Variants in SATL1 observed in about 807,000 individuals in gnomAD.
The protein encoded by SATL1 is spermidine/spermine N1-acetyl transferase like 1.
SATL1 carries 47 observed loss-of-function variants against 51.8 expected under a neutral mutation model. The observed-to-expected ratio is 0.91, with a 90% CI of 0.72 to 1.16. The LOEUF (loss-of-function observed/expected upper bound fraction) is 1.16, where lower values mean the gene tolerates loss of function less well. Among genes scored for constraint, SATL1 ranks in the 50% most tolerant of loss-of-function variants. The pLI is 0.00. For synonymous variants in SATL1, 176 were observed against 182.4 expected (o/e 0.97, Z 0.28); for missense variants, 520 against 526.4 (o/e 0.99, Z 0.12).
At chrX:85,220,744 T>A (rs180934294) in intron 2 of SATL1, among the ~76,000 whole-genome samples, 1 of 101,458 alleles carries the variant, frequency 9.9e-6, no homozygotes, top group East Asian at 3.3e-4. Context: ...CAACTATTGG[T>A]CCTGTTCTTC....
chrX:85,234,564 T>C (rs1018220157), intron 1 of SATL1, among the ~76,000 whole-genome samples: 2 of 111,916 alleles, frequency 1.8e-5, no homozygotes, highest in Non-Finnish European at 3.8e-5. Flanking sequence ...GACACAAAGC[T>C]AAAGTGTAGT....
intron 2 of SATL1, among the ~76,000 whole-genome samples, chrX:85,121,102 A>G (rs2147700790): frequency 9.0e-6 from 1 of 110,503 alleles, no homozygotes; most frequent in Non-Finnish European, 1.9e-5. Context: ...CTTAACCTCC[A>G]TGAGCTCAGA....
rs183382510 is a variant in SATL1, at chrX:85,105,615, G to A, written c.1642-1700C>T. Among the ~76,000 whole-genome samples, 174 of 111,240 alleles carry A rather than the reference G, an allele frequency of 1.6e-3. 1 individual carries two copies. Among genetic ancestry groups the A allele is most frequent in the African/African-American group, 5.4e-3 (165 of 30,684 alleles). On this transcript the variant is annotated intron_variant, in intron 3 of 7. Transcript: ENST00000644105. ...AATAATGCTGTGATGTGCTGATTGA[G>A]AATAGTATAAAATGAGTTCATACAG... is the stretch of plus-strand genomic sequence containing the variant.
chrX:85,152,963 A>ATAAT (rs1349971336), intron 2 of SATL1, among the ~76,000 whole-genome samples: 7 of 110,392 alleles, frequency 6.3e-5, no homozygotes. Flanking sequence ...AACTTAAAGT[A>ATAAT]TAATAATAAA....
At position 85,147,971 on chromosome X, in the gene SATL1, G is replaced by A. The variant is rs770707719; in HGVS notation, c.-312-38691C>T. 2.3e-4 allele frequency among the ~76,000 whole-genome samples: 26 copies of A among 112,301 alleles called. No homozygotes were observed. The South Asian group carries it at 7.7e-3, about 33-fold the overall frequency. On this transcript the variant is annotated intron_variant, in intron 2 of 7. Coordinates refer to ENST00000644105, the MANE Select transcript of SATL1 (RefSeq NM_001367857.2). ...CACCAGCAATGGAACAGAGTTGGAC[G>A]GAGAATGACTTTGATGAGTTGAGAG...
intron 2 of SATL1, among the ~76,000 whole-genome samples, chrX:85,159,710 A>G (rs1367330292): frequency 9.0e-6 from 1 of 111,500 alleles, no homozygotes; most frequent in African/African-American, 3.3e-5. Context: ...CACCACCATG[A>G]ACACAACTGC....
intron 2 of SATL1, among the ~76,000 whole-genome samples, chrX:85,223,224 A>G (rs901102741): frequency 3.6e-5 from 4 of 111,806 alleles, no homozygotes; most frequent in African/African-American, 1.3e-4. Context: ...ATACTGTCAC[A>G]GTAAGAATGT....
At chrX:85,204,992 AAGGC>A (rs1476253422) in intron 2 of SATL1, among the ~76,000 whole-genome samples, 1 of 112,166 alleles carries the variant, frequency 8.9e-6, no homozygotes, top group Non-Finnish European at 1.9e-5. Flanking sequence ...AAGATAACAA[AAGGC>A]AGTTAGCCAG....
chrX:85,106,581 A>C (rs769303396), intron 3 of SATL1, among the ~76,000 whole-genome samples: 3 of 112,256 alleles, frequency 2.7e-5, no homozygotes, highest in Non-Finnish European at 5.6e-5. Context: ...TTACAGCTTT[A>C]TATGGAATTC....
In SATL1 at chrX:85,109,299, T is replaced by C. The variant is rs1248436982; in HGVS notation, c.-312-19A>G. ...CCTTTCCCTGCCAAAAGGGGGGAAG[T>C]AAAGGGAAGACGAAAATGATCCTGG... On this transcript the variant is annotated intron_variant, in intron 2 of 7. Transcript: ENST00000644105. The C allele has an allele frequency of 1.3e-5, 4 of 301,518 alleles. No individual in the cohort carries two copies. The highest frequency in any genetic ancestry group is 2.3e-5 in the Non-Finnish European group (4 of 172,254). The allele number at this position is 301,518 out of a possible 1,213,427, so 24.8% of individuals were successfully genotyped here. A position where few individuals can be genotyped will look rare whatever the true frequency, so the allele number is the denominator to read the frequency against.
chrX:85,227,490 G>A (rs1476055282), intron 1 of SATL1, among the ~76,000 whole-genome samples: 1 of 111,747 alleles, frequency 8.9e-6, no homozygotes, highest in East Asian at 2.8e-4. Context: ...GAAACAACTG[G>A]ACATTATGTG....
At chrX:85,110,819 C>T (rs950873761) in intron 2 of SATL1, among the ~76,000 whole-genome samples, 1 of 112,381 alleles carries the variant, frequency 8.9e-6, no homozygotes, top group Non-Finnish European at 1.9e-5. Flanking sequence ...TTCCATCTAC[C>T]TTATAATAAA....
chrX:85,146,629 T>C (rs112603756), intron 2 of SATL1, among the ~76,000 whole-genome samples: 7 of 112,375 alleles, frequency 6.2e-5, no homozygotes, highest in South Asian at 3.7e-4. Flanking sequence ...GGGACTACTG[T>C]TTATTGGAAT....
At chrX:85,161,487 A>C (rs1926718113) in intron 2 of SATL1, among the ~76,000 whole-genome samples, 1 of 110,641 alleles carries the variant, frequency 9.0e-6, no homozygotes, top group South Asian at 3.7e-4. Flanking sequence ...AATAAAAAAA[A>C]AAAAAAAACA....
rs1569254187 is a variant in SATL1, at chrX:85,243,727, C to G, written c.-574G>C. 1 of 109,964 alleles carries G rather than the reference C, an allele frequency of 9.1e-6. No homozygotes were observed. 9.1% of individuals were successfully genotyped at this position (109,964 alleles called of 1,213,427 possible). ...CCTTTCTTCGTTTCCCTTGGGAAAC[C>G]TGGAAAACAGAAAATCTTCCCACAG... On this transcript the variant is annotated 5_prime_UTR_variant, in exon 1 of 8. Coordinates refer to ENST00000644105, the MANE Select transcript of SATL1 (RefSeq NM_001367857.2).
chrX:85,179,911 TA>T (rs1307063187), intron 2 of SATL1, among the ~76,000 whole-genome samples: 9 of 104,043 alleles, frequency 8.7e-5, no homozygotes, highest in East Asian at 3.0e-4. Flanking sequence ...CCTGAATAAT[TA>T]AAAAAAAAAC....
chrX:85,194,627 T>C (rs1927512001), intron 2 of SATL1, among the ~76,000 whole-genome samples: 1 of 110,393 alleles, frequency 9.1e-6, no homozygotes. Flanking sequence ...CCAACCCAAA[T>C]GTCCATCAGT....
Position 85,187,327 on chromosome X carries a change from G to T in SATL1, c.-313+36878C>A, listed in dbSNP as rs189372336. On this transcript the variant is annotated intron_variant, in intron 2 of 7. Coordinates refer to ENST00000644105, the MANE Select transcript of SATL1 (RefSeq NM_001367857.2). ...TGCCCTTTATTTATTTTTTTCTCTTGCCTAAAATTGCTCTGGTTAGAACTT... is the reference window on the plus strand; with the variant it reads ...TGCCCTTTATTTATTTTTTTCTCTTTCCTAAAATTGCTCTGGTTAGAACTT... Among the ~76,000 whole-genome samples, 238 of 110,732 alleles carry T rather than the reference G, an allele frequency of 2.1e-3. 1 individual carries two copies. The highest frequency in any genetic ancestry group is 4.6e-3 in the Middle Eastern group (1 of 217).
chrX:85,239,329 G>A (rs1928540155), intron 1 of SATL1, among the ~76,000 whole-genome samples: 1 of 111,171 alleles, frequency 9.0e-6, no homozygotes, highest in East Asian at 2.8e-4. Flanking sequence ...TGCACAGAAT[G>A]TATATACTGA....
Sources: allele counts gnomAD v4.1 joint callset (sites outside exome capture counted in the v4.1 genomes callset), GRCh38; gene constraint gnomAD v4.1.1; transcripts MANE v1.5; gene names NCBI Gene and HGNC (gene_info 2026-07-23, HGNC 2026-07-21).